CAMTA1: variants seen among roughly 807,000 people sequenced by gnomAD.
CAMTA1 encodes the protein calmodulin-binding transcription activator 1.
A neutral mutation model predicts 170.9 loss-of-function variants in CAMTA1; 27 were observed. That is an observed-to-expected ratio of 0.16 (90% CI 0.12 to 0.22). CAMTA1 has a LOEUF of 0.22. CAMTA1 is among the 10% of genes least tolerant of loss of function. CAMTA1 has a pLI of 1.00. For synonymous variants in CAMTA1, 833 were observed against 891.5 expected (o/e 0.93, Z 1.17); for missense variants, 1,619 against 2,217.2 (o/e 0.73, Z 5.42).
intron 3 of CAMTA1, among the ~76,000 whole-genome samples, chr1:6,924,435 C>T (rs1682676202): frequency 6.6e-6 from 1 of 152,084 alleles, no homozygotes; most frequent in Non-Finnish European, 1.5e-5. Flanking sequence ...GGTGCCCACC[C>T]CACCCCTGAG....
At chr1:7,657,331 T>A (rs919036408) in intron 7 of CAMTA1, among the ~76,000 whole-genome samples, 1 of 152,154 alleles carries the variant, frequency 6.6e-6, no homozygotes. Context: ...TCCCTCTGTC[T>A]GGGATTCAGC....
rs67174976 is a variant in CAMTA1 at position 7,634,244 on chromosome 1, T to A, written c.511-6156T>A. ...ACTTGGTCATTGCAGGCAGGGGGTA[T>A]ATGGGAGGATTAGGCTTCCTGGGGT... On this transcript the variant is annotated intron_variant, in intron 6 of 22. Transcript: ENST00000303635. The surrounding 1 kb of genome is among the most constrained non-coding windows in gnomAD (Gnocchi z 6.2). Among the ~76,000 whole-genome samples, 23,527 of 151,788 alleles carry A rather than the reference T, an allele frequency of 0.15. 2,649 individuals are homozygous for A. Among genetic ancestry groups the A allele is most frequent in the African/African-American group, 0.32 (13,040 of 41,308 alleles).
chr1:6,844,996 A>G (rs941831696), intron 3 of CAMTA1, among the ~76,000 whole-genome samples: 4 of 152,188 alleles, frequency 2.6e-5, no homozygotes, highest in Admixed American at 2.0e-4. Context: ...ACTGTGGGGA[A>G]AAGCTGGAAA....
intron 4 of CAMTA1, among the ~76,000 whole-genome samples, chr1:7,170,530 G>T (rs1042808553): frequency 6.6e-6 from 1 of 152,046 alleles, no homozygotes; most frequent in South Asian, 2.1e-4. Flanking sequence ...TGTTCTCATT[G>T]TTCAACTCCC....
intron 3 of CAMTA1, among the ~76,000 whole-genome samples, chr1:6,831,863 C>A (rs928405594): frequency 3.3e-5 from 5 of 152,020 alleles, no homozygotes; most frequent in Non-Finnish European, 5.9e-5. Context: ...TAGGTTGATA[C>A]ATTCTAAGCC....
At chr1:6,928,744 A>AG (rs1486064860) in intron 3 of CAMTA1, among the ~76,000 whole-genome samples, 1 of 152,084 alleles carries the variant, frequency 6.6e-6, no homozygotes, top group Non-Finnish European at 1.5e-5. Context: ...GGCTTGCCCC[A>AG]GCTCATTTTC....
chr1:7,119,994 C>A (rs1057043142), intron 4 of CAMTA1, among the ~76,000 whole-genome samples: 1 of 152,122 alleles, frequency 6.6e-6, no homozygotes, highest in South Asian at 2.1e-4. Flanking sequence ...CACATTTAAT[C>A]CTTACAACCA....
At chr1:7,346,239 C>G (rs1044874428) in intron 5 of CAMTA1, among the ~76,000 whole-genome samples, 2 of 152,140 alleles carry the variant, frequency 1.3e-5, no homozygotes, top group Non-Finnish European at 2.9e-5. Context: ...GTCCAGAATC[C>G]ATGCTGCCTT....
At chr1:7,199,696 A>G (rs1232370478) in intron 4 of CAMTA1, among the ~76,000 whole-genome samples, 1 of 141,420 alleles carries the variant, frequency 7.1e-6, no homozygotes, top group Non-Finnish European at 1.5e-5. Context: ...ACGCATGGGA[A>G]CTGGCCGCCC....
At chr1:7,481,457 T>G (rs917031150) in intron 6 of CAMTA1, among the ~76,000 whole-genome samples, 1 of 152,188 alleles carries the variant, frequency 6.6e-6, no homozygotes, top group African/African-American at 2.4e-5. Context: ...TGGTTCACAC[T>G]AAGATTCAGG....
At chr1:7,668,309 A>C (rs2096018855) in intron 9 of CAMTA1, among the ~76,000 whole-genome samples, 1 of 151,266 alleles carries the variant, frequency 6.6e-6, no homozygotes, top group Non-Finnish European at 1.5e-5. Flanking sequence ...CTCTTCTCTG[A>C]GTGGCCCTCC....
chr1:6,948,017 T>G (rs1001117220), intron 3 of CAMTA1, among the ~76,000 whole-genome samples: 3 of 152,212 alleles, frequency 2.0e-5, no homozygotes, highest in African/African-American at 7.2e-5. Context: ...TTTTGTTTCT[T>G]TTTCTTGCCT....
At chr1:7,507,135 C>T (rs115688107) in intron 6 of CAMTA1, among the ~76,000 whole-genome samples, 1,782 of 148,948 alleles carry the variant, frequency 0.012, 41 homozygotes, top group African/African-American at 0.044. Flanking sequence ...CACATTCACA[C>T]ACTCACACTC....
At chr1:7,549,223 G>T (rs905674595) in intron 6 of CAMTA1, among the ~76,000 whole-genome samples, 2 of 150,694 alleles carry the variant, frequency 1.3e-5, no homozygotes, top group African/African-American at 4.9e-5. Context: ...TAGGGGTGGA[G>T]GCACCCATGC....
chr1:7,162,037 G>T (rs1647300080), intron 4 of CAMTA1, among the ~76,000 whole-genome samples: 1 of 152,218 alleles, frequency 6.6e-6, no homozygotes, highest in African/African-American at 2.4e-5. Flanking sequence ...GCCCTGCAAA[G>T]ATTAGAGGGA....
At chr1:7,124,383 C>T (rs972141344) in intron 4 of CAMTA1, among the ~76,000 whole-genome samples, 2 of 152,230 alleles carry the variant, frequency 1.3e-5, no homozygotes, top group African/African-American at 2.4e-5. Flanking sequence ...AATATTCTAT[C>T]CCGCCTTCGA....
chr1:7,345,346 T>C (rs1414207071), intron 5 of CAMTA1, among the ~76,000 whole-genome samples: 1 of 152,150 alleles, frequency 6.6e-6, no homozygotes, highest in Non-Finnish European at 1.5e-5. Context: ...AGCTTTAAAG[T>C]TTTGATGTTG....
intron 3 of CAMTA1, among the ~76,000 whole-genome samples, chr1:6,927,335 C>T (rs1447270352): frequency 2.0e-5 from 3 of 152,200 alleles, no homozygotes; most frequent in African/African-American, 4.8e-5. Flanking sequence ...ACCCAGCCGC[C>T]TCAGTGATTT....
intron 3 of CAMTA1, among the ~76,000 whole-genome samples, chr1:6,926,526 TTCTC>T (rs771700710): frequency 7.6e-5 from 11 of 145,010 alleles, no homozygotes; most frequent in Non-Finnish European, 1.2e-4. Context: ...CCTTCTTTCT[TTCTC>T]TCTCTCTTTC....
Sources: allele counts gnomAD v4.1 joint callset (sites outside exome capture counted in the v4.1 genomes callset), GRCh38; gene constraint gnomAD v4.1.1; non-coding constraint Gnocchi (gnomAD v3.1); transcripts MANE v1.5; gene names NCBI Gene and HGNC (gene_info 2026-07-23, HGNC 2026-07-21).